Variants in SERTAD2 observed in about 807,000 individuals in gnomAD.
SERTAD2 encodes the protein SERTA domain-containing protein 2.
A neutral mutation model predicts 15.4 loss-of-function variants in SERTAD2; 2 were observed. The observed-to-expected ratio is 0.13, with a 90% CI of 0.05 to 0.41. The LOEUF is 0.41. SERTAD2 is among the 10% of genes least tolerant of loss of function. SERTAD2 has a pLI of 0.99. For missense variants in SERTAD2, 333 were observed against 409.7 expected, an observed-to-expected ratio of 0.81 and a Z score of 1.62; for synonymous variants, 180 against 178.0, an observed-to-expected ratio of 1.01 and a Z score of -0.09.
chr2:64,635,930 G>C lies in SERTAD2; in HGVS notation c.942C>G (p.Ser314=), dbSNP rs746431093. 6.2e-7 allele frequency: 1 copy of C among 1,610,170 alleles called. No homozygotes were observed. Among genetic ancestry groups the C allele is most frequent in the South Asian group, 1.1e-5 (1 of 91,018 alleles). Residue 314 remains serine, a synonymous_variant, in exon 2 of 2, where the codon TCC becomes TCG. Transcript: ENST00000313349. ...ATAGTCGCTGGGTCCCTGGGTCTTA[G>C]GACCCAACAAGCACCTCCATGATGT... ...LDHIMEVLVG[S] is the part of the protein sequence containing the mutation.
At chr2:64,645,162 A>G (rs532953230) in intron 1 of SERTAD2, among the ~76,000 whole-genome samples, 1 of 152,264 alleles carries the variant, frequency 6.6e-6, no homozygotes, top group African/African-American at 2.4e-5. Flanking sequence ...TTATAAAGCC[A>G]GTCACTAGAT....
chr2:64,646,296 T>A (rs1674899215), intron 1 of SERTAD2: 1 of 151,196 alleles, frequency 6.6e-6, no homozygotes, highest in African/African-American at 2.5e-5. Context: ...TAATAAAAAG[T>A]TAAAAACCAC....
intron 1 of SERTAD2, among the ~76,000 whole-genome samples, chr2:64,651,123 G>C (rs969056580): frequency 2.0e-5 from 3 of 152,128 alleles, no homozygotes; most frequent in Non-Finnish European, 2.9e-5. Context: ...TTTTTCCACA[G>C]GTAATATTGA....
At chr2:64,646,265 G>T (rs1051049723) in intron 1 of SERTAD2, among the ~76,000 whole-genome samples, 1 of 152,070 alleles carries the variant, frequency 6.6e-6, no homozygotes, top group Non-Finnish European at 1.5e-5. Flanking sequence ...TTTTACTTTT[G>T]AATGTGTTTG....
chr2:64,650,980 C>G (rs1027592125), intron 1 of SERTAD2, among the ~76,000 whole-genome samples: 1 of 152,302 alleles, frequency 6.6e-6, no homozygotes, highest in East Asian at 1.9e-4. Flanking sequence ...CACCAAGTAA[C>G]TATTGCAACT....
At chr2:64,650,607 G>A (rs1023885597) in intron 1 of SERTAD2, among the ~76,000 whole-genome samples, 10 of 152,116 alleles carry the variant, frequency 6.6e-5, no homozygotes, top group Non-Finnish European at 1.0e-4. Context: ...GGCCATTTGA[G>A]ACAATCATTT....
intron 1 of SERTAD2, among the ~76,000 whole-genome samples, chr2:64,638,414 C>T (rs1279063965): frequency 6.6e-6 from 1 of 152,180 alleles, no homozygotes; most frequent in African/African-American, 2.4e-5. Context: ...CAAGTCTCGA[C>T]CTAAAGAAAT....
In SERTAD2 at chr2:64,633,791, G is replaced by C. The variant is rs1198946500; in HGVS notation, c.*2136C>G. ...GGAGGTTGCTTGTAGGAGAACAAGT[G>C]CAATTTGATCAGTTTCTCACTGCTC... On this transcript the variant is annotated 3_prime_UTR_variant, in exon 2 of 2. Transcript: ENST00000313349. 4 of 152,200 alleles carry C rather than the reference G, an allele frequency of 2.6e-5. No homozygotes were observed. The highest frequency in any genetic ancestry group is 4.8e-5 in the African/African-American group (2 of 41,444). The allele number at this position is 152,200 out of a possible 1,614,324, so 9.4% of individuals were successfully genotyped here. A position where few individuals can be genotyped will look rare whatever the true frequency, so the allele number is the denominator to read the frequency against.
intron 1 of SERTAD2, among the ~76,000 whole-genome samples, chr2:64,651,795 T>C (rs1675016985): frequency 6.6e-6 from 1 of 152,170 alleles, no homozygotes; most frequent in Admixed American, 6.5e-5. Flanking sequence ...AACCGTTCCC[T>C]AGGACACCTC....
At chr2:64,639,202 G>A (rs1331322620) in intron 1 of SERTAD2, among the ~76,000 whole-genome samples, 4 of 152,202 alleles carry the variant, frequency 2.6e-5, no homozygotes. Flanking sequence ...GTTTCTCAAA[G>A]TGTGGCCACA....
intron 1 of SERTAD2, among the ~76,000 whole-genome samples, chr2:64,643,666 A>C (rs921297347): frequency 9.9e-5 from 15 of 152,200 alleles, no homozygotes; most frequent in African/African-American, 3.4e-4. Flanking sequence ...CAGGAGATCG[A>C]GACCACCCTG....
chr2:64,639,573 T>C (rs1285435491), intron 1 of SERTAD2, among the ~76,000 whole-genome samples: 1 of 152,212 alleles, frequency 6.6e-6, no homozygotes, highest in African/African-American at 2.4e-5. Context: ...AGGTAACATT[T>C]AGGGAAGATG....
chr2:64,645,571 G>C (rs1181905138), intron 1 of SERTAD2, among the ~76,000 whole-genome samples: 2 of 152,136 alleles, frequency 1.3e-5, no homozygotes, highest in African/African-American at 2.4e-5. Flanking sequence ...CAATACTGGA[G>C]GTTTGTCAAA....
In SERTAD2 at chr2:64,649,258, A is replaced by G. The variant is rs560992906; in HGVS notation, c.-5+4362T>C. ...TGGGGTACACCAGCAGGCCTGCTCC[A>G]AACCCCAGGAGCTGCAGTGCATGGC... On this transcript the variant is annotated intron_variant, in intron 1 of 1. Coordinates refer to ENST00000313349, the MANE Select transcript of SERTAD2 (RefSeq NM_014755.3). Among the ~76,000 whole-genome samples the G allele has an allele frequency of 4.7e-4, 71 of 152,354 alleles. 1 individual carries two copies. Among genetic ancestry groups the G allele is most frequent in the Non-Finnish European group, 1.0e-4 (7 of 68,032 alleles).
At chr2:64,641,278 A>T (rs1466413310) in intron 1 of SERTAD2, among the ~76,000 whole-genome samples, 1 of 152,232 alleles carries the variant, frequency 6.6e-6, no homozygotes, top group Non-Finnish European at 1.5e-5. Context: ...GGACCAGAGG[A>T]CCAGGAGCCT....
intron 1 of SERTAD2, among the ~76,000 whole-genome samples, chr2:64,645,933 T>C (rs979906386): frequency 1.2e-5 from 1 of 85,598 alleles, no homozygotes; most frequent in African/African-American, 4.3e-5. Context: ...AAAAGTATGG[T>C]ACACTTGATT....
chr2:64,641,663 T>C (rs982134902), intron 1 of SERTAD2, among the ~76,000 whole-genome samples: 2 of 152,078 alleles, frequency 1.3e-5, no homozygotes, highest in African/African-American at 4.8e-5. Flanking sequence ...TGTGTGTGTG[T>C]CCTTGAGCGT....
At chr2:64,643,933 G>A (rs994555859) in intron 1 of SERTAD2, among the ~76,000 whole-genome samples, 12 of 152,146 alleles carry the variant, frequency 7.9e-5, no homozygotes, top group Admixed American at 3.3e-4. Flanking sequence ...CAGACACACT[G>A]TCCCATATGG....
intron 1 of SERTAD2, among the ~76,000 whole-genome samples, chr2:64,652,840 C>A (rs1284210035): frequency 4.0e-5 from 1 of 25,140 alleles, no homozygotes; most frequent in East Asian, 1.3e-3. Flanking sequence ...ACCACTTCTG[C>A]TAAAGGTAAC....
Sources: allele counts gnomAD v4.1 joint callset (sites outside exome capture counted in the v4.1 genomes callset), GRCh38; gene constraint gnomAD v4.1.1; transcripts MANE v1.5; gene names NCBI Gene and HGNC (gene_info 2026-07-23, HGNC 2026-07-21).